Variants in SLC3A1 observed in about 807,000 individuals in gnomAD.
SLC3A1 encodes the protein solute carrier family 3 member 1.
SLC3A1 carries 78 observed loss-of-function variants against 60.3 expected under a neutral mutation model. The ratio of observed to expected loss-of-function variants is 1.29; its 90% CI spans 1.08 to 1.56. SLC3A1 has a LOEUF of 1.56. Among genes scored for constraint, SLC3A1 ranks in the 40% most tolerant of loss-of-function variants. SLC3A1 has a pLI of 0.00. For missense variants in SLC3A1, 1,172 were observed against 858.9 expected, an observed-to-expected ratio of 1.36 and a Z score of -4.56; for synonymous variants, 392 against 307.9, an observed-to-expected ratio of 1.27 and a Z score of -2.86.
In SLC3A1 at chr2:44,275,664, C is replaced by A; in HGVS notation, c.129C>A (p.Asn43Lys). 1 of 1,614,194 alleles carries A rather than the reference C, an allele frequency of 6.2e-7. No individual in the cohort carries two copies. The highest frequency in any genetic ancestry group is 8.5e-7 in the Non-Finnish European group (1 of 1,180,020). Residue 43 changes from asparagine to lysine, a missense_variant, in exon 1 of 10, where the codon AAC (asparagine) becomes AAA (lysine). Transcript: ENST00000260649. ...QTPDPGSSTD[N>K]LKHSTRGILG... Reference sequence around the variant, plus strand: ...CGGATCCAGGAAGCTCAACAGACAACCTGAAGCACAGCACCAGGGGCATCC... The same window carrying A: ...CGGATCCAGGAAGCTCAACAGACAAACTGAAGCACAGCACCAGGGGCATCC...
chr2:44,283,484 A>T (rs1212049335), intron 3 of SLC3A1, among the ~76,000 whole-genome samples: 1 of 152,188 alleles, frequency 6.6e-6, no homozygotes, highest in East Asian at 1.9e-4. Flanking sequence ...GTCTGGTGTA[A>T]TTCCTGTTTT....
At chr2:44,292,349 A>G (rs1391543323) in intron 4 of SLC3A1, among the ~76,000 whole-genome samples, 1 of 152,104 alleles carries the variant, frequency 6.6e-6, no homozygotes, top group Non-Finnish European at 1.5e-5. Context: ...TTGATTAGCC[A>G]TCTCTATGCT....
chr2:44,321,370 A>G lies in SLC3A1; in HGVS notation c.*731A>G. 6.2e-7 allele frequency: 1 copy of G among 1,607,610 alleles called. No homozygotes were observed. The highest frequency in any genetic ancestry group is 2.2e-5 in the East Asian group (1 of 44,816). ...AATGCAGTGTTTCAGAATTTCAGGT[A>G]TTTCTTAAGATCCTCGAAAACACTG... On this transcript the variant is annotated 3_prime_UTR_variant, in exon 10 of 10. Coordinates refer to ENST00000260649, the MANE Select transcript of SLC3A1 (RefSeq NM_000341.4).
In SLC3A1 at chr2:44,312,795, C is replaced by A. The variant is rs779735869; in HGVS notation, c.1500+42C>A. The A allele has an allele frequency of 8.4e-6, 13 of 1,539,338 alleles. No individual in the cohort carries two copies. In the African/African-American group the frequency reaches 1.4e-4, roughly 17 times the overall value. On this transcript the variant is annotated intron_variant, in intron 8 of 9. Coordinates refer to ENST00000260649, the MANE Select transcript of SLC3A1 (RefSeq NM_000341.4). ...TTGACTATTCATCACAGCTATAAAA[C>A]CAAGTATTCATTTTTTATTTTTTGC...
intron 9 of SLC3A1, chr2:44,319,297 T>G (rs757819941): frequency 6.6e-6 from 1 of 152,654 alleles, no homozygotes; most frequent in African/African-American, 2.4e-5. Flanking sequence ...ACAGCTCTTA[T>G]GAAGAATAAT....
In SLC3A1 at chr2:44,280,782, A is replaced by G. The variant is rs917960192; in HGVS notation, c.497A>G (p.Tyr166Cys). Reference protein sequence around the residue: ...NIKTVWITSFYKSSLKDFRYG... With the variant: ...NIKTVWITSFCKSSLKDFRYG... The stretch of plus-strand genomic sequence containing the variant: ...AAAACTGTTTGGATTACTTCATTTT[A>G]TAAATCGTCCCTTAAAGATTTCAGA... Residue 166 changes from tyrosine to cysteine, a missense_variant, in exon 2 of 10, where the codon TAT becomes TGT. Coordinates refer to ENST00000260649, the MANE Select transcript of SLC3A1 (RefSeq NM_000341.4). 30 of 1,612,316 alleles carry G rather than the reference A, an allele frequency of 1.9e-5. No homozygotes were observed. Among genetic ancestry groups the G allele is most frequent in the Non-Finnish European group, 2.4e-5 (28 of 1,178,468 alleles).
intron 4 of SLC3A1, among the ~76,000 whole-genome samples, chr2:44,293,989 TAGTC>T (rs1352168789): frequency 2.0e-5 from 3 of 152,108 alleles, no homozygotes; most frequent in South Asian, 2.1e-4. Flanking sequence ...ACTTGTTAAA[TAGTC>T]AGTAAATTGG....
At position 44,292,933 on chromosome 2, in the gene SLC3A1, G is replaced by A. The variant is rs189530386; in HGVS notation, c.891+6776G>A. Among the ~76,000 whole-genome samples the A allele has an allele frequency of 3.9e-5, 6 of 152,130 alleles. No individual in the cohort carries two copies. The East Asian group carries it at 9.7e-4, about 24-fold the overall frequency. On this transcript the variant is annotated intron_variant, in intron 4 of 9. Transcript: ENST00000260649. ...AGAAATCAGTCTGGTTTTGGAGAAG[G>A]GGTTTGAGTAGGGCAGGTTTGGAGG...
chr2:44,275,657 C>T lies in SLC3A1; in HGVS notation c.122C>T (p.Thr41Ile). The change falls in exon 1 of 10, where the codon ACA becomes ATA. Residue 41 changes from threonine to isoleucine, a missense_variant. Transcript: ENST00000260649. The stretch of plus-strand genomic sequence containing the variant: ...CAGACCCCGGATCCAGGAAGCTCAA[C>T]AGACAACCTGAAGCACAGCACCAGG... ...LEQTPDPGSS[T>I]DNLKHSTRGI... 6.2e-7 allele frequency: 1 copy of T among 1,614,186 alleles called. No homozygotes were observed. The highest frequency in any genetic ancestry group is 8.5e-7 in the Non-Finnish European group (1 of 1,180,016).
At position 44,286,054 on chromosome 2, in the gene SLC3A1, G is replaced by C. The variant is rs139310305; in HGVS notation, c.788G>C (p.Ser263Thr). Residue 263 changes from serine (S) to threonine (T), a missense_variant, in exon 4 of 10, where the codon AGT (serine) becomes ACT (threonine). Physicochemically the swap from Ser to Thr is moderately conservative, Grantham distance 58. Coordinates refer to ENST00000260649, the MANE Select transcript of SLC3A1 (RefSeq NM_000341.4). ...CAGTTAAGTGTGTATGGAAACTCCA[G>C]TTGGCACTTTGACGAAGTGCGAAAC... ...NNWLSVYGNSSWHFDEVRNQC... is the reference protein window; with the variant it reads ...NNWLSVYGNSTWHFDEVRNQC... 1.2e-4 allele frequency: 195 copies of C among 1,614,066 alleles called. 1 individual carries two copies. The African/African-American group carries it at 2.5e-3, about 21-fold the overall frequency.
At chr2:44,303,731 G>GC (rs1672077377) in intron 6 of SLC3A1, 1 of 330,918 alleles carries the variant, frequency 3.0e-6, no homozygotes, top group Non-Finnish European at 5.8e-6. Flanking sequence ...CCTTCCCTTA[G>GC]CCCCCCACCC....
chr2:44,314,251 C>T (rs1164197208), intron 9 of SLC3A1: 6 of 629,408 alleles, frequency 9.5e-6, no homozygotes, highest in African/African-American at 3.7e-5. Context: ...TTTTAGCTAG[C>T]CCAGCTGCCT....
At position 44,321,353 on chromosome 2, in the gene SLC3A1, G is replaced by A. The variant is rs375022100; in HGVS notation, c.*714G>A. ...TTTCCAATTCCCAGTTGAATGCAGT[G>A]TTTCAGAATTTCAGGTATTTCTTAA... On this transcript the variant is annotated 3_prime_UTR_variant, in exon 10 of 10. Coordinates refer to ENST00000260649, the MANE Select transcript of SLC3A1 (RefSeq NM_000341.4). 1.9e-5 allele frequency: 31 copies of A among 1,596,636 alleles called. No homozygotes were observed. The African/African-American group carries it at 3.4e-4, about 17-fold the overall frequency.
intron 7 of SLC3A1, among the ~76,000 whole-genome samples, chr2:44,304,680 A>T (rs1227420818): frequency 6.6e-6 from 1 of 152,182 alleles, no homozygotes; most frequent in African/African-American, 2.4e-5. Flanking sequence ...AGAGGTACAC[A>T]GCAATTCAGG....
chr2:44,277,190 C>T (rs2104328297), intron 1 of SLC3A1, among the ~76,000 whole-genome samples: 1 of 150,432 alleles, frequency 6.6e-6, no homozygotes, highest in South Asian at 2.1e-4. Flanking sequence ...TCACTGCAAC[C>T]TCCGTCACCT....
chr2:44,305,965 G>T lies in SLC3A1; in HGVS notation c.1332+1627G>T, dbSNP rs116321270. 2.8e-3 allele frequency among the ~76,000 whole-genome samples: 433 copies of T among 152,220 alleles called. 1 individual carries two copies. Among genetic ancestry groups the T allele is most frequent in the Non-Finnish European group, 4.3e-3 (295 of 68,022 alleles). The stretch of plus-strand genomic sequence containing the variant: ...TTCCTTAAAGTCCACACAATTCCAC[G>T]ATGTCTGCTTTCCCCACTAGACAGT... On this transcript the variant is annotated intron_variant, in intron 7 of 9. Transcript: ENST00000260649.
rs1242852714 is a variant in SLC3A1 at position 44,321,180 on chromosome 2, G to A, written c.*541G>A. 3 of 600,476 alleles carry A rather than the reference G, an allele frequency of 5.0e-6. No individual in the cohort carries two copies. Among genetic ancestry groups the A allele is most frequent in the Non-Finnish European group, 8.9e-6 (3 of 336,460 alleles). The allele number at this position is 600,476 out of a possible 1,614,324, so 37.2% of individuals were successfully genotyped here. On this transcript the variant is annotated 3_prime_UTR_variant, in exon 10 of 10. Transcript: ENST00000260649. ...GTTAATGGGCATGTGCATCAATGGA[G>A]AGAATAGTATAAGCAAGTGAGATGT...
Position 44,304,137 on chromosome 2 carries a change from T to G in SLC3A1, c.1137-6T>G. On this transcript the variant is annotated splice_region_variant and splice_polypyrimidine_tract_variant and intron_variant, in intron 6 of 9. Transcript: ENST00000260649. ...CGATGACACTGAACCTTGTCAACTCTTATAGGTTCATGGGGACTGAAGCCT... is the reference window on the plus strand; with the variant it reads ...CGATGACACTGAACCTTGTCAACTCGTATAGGTTCATGGGGACTGAAGCCT... 1 of 1,612,924 alleles carries G rather than the reference T, an allele frequency of 6.2e-7. No homozygotes were observed. The highest frequency in any genetic ancestry group is 8.5e-7 in the Non-Finnish European group (1 of 1,178,876).
chr2:44,280,962 C>T, intron 2 of SLC3A1, 67 bp downstream of exon 2: 1 of 1,361,182 alleles, frequency 7.3e-7, no homozygotes, highest in Non-Finnish European at 1.1e-6. Flanking sequence ...CAAATGTTTA[C>T]TTAAAGCATT....
Sources: allele counts gnomAD v4.1 joint callset (sites outside exome capture counted in the v4.1 genomes callset), GRCh38; gene constraint gnomAD v4.1.1; transcripts MANE v1.5; gene names NCBI Gene and HGNC (gene_info 2026-07-23, HGNC 2026-07-21).